PPEF1: variants seen among roughly 807,000 people sequenced by gnomAD.
PPEF1 encodes serine/threonine-protein phosphatase with EF-hands 1.
A neutral mutation model predicts 53.3 loss-of-function variants in PPEF1; 12 were observed. The ratio of observed to expected loss-of-function variants is 0.23; its 90% CI spans 0.14 to 0.36. The LOEUF (loss-of-function observed/expected upper bound fraction) is 0.36. Among genes scored for constraint, PPEF1 ranks in the 10% least tolerant of loss-of-function variants. PPEF1 has a pLI of 1.00. For missense variants in PPEF1, 334 were observed against 490.4 expected (o/e 0.68, Z 3.01); for synonymous variants, 165 against 176.7 (o/e 0.93, Z 0.52).
intron 12 of PPEF1, among the ~76,000 whole-genome samples, chrX:18,816,036 G>C (rs945420425): frequency 1.8e-5 from 2 of 109,623 alleles, no homozygotes; most frequent in African/African-American, 6.6e-5. Context: ...AAGTAGCTGG[G>C]ATTACAGGCA....
intron 1 of PPEF1, among the ~76,000 whole-genome samples, chrX:18,711,960 G>A (rs748955578): frequency 3.6e-5 from 4 of 110,951 alleles, no homozygotes; most frequent in East Asian, 5.7e-4. Flanking sequence ...TCACCATGTT[G>A]GCCAGGCTGG....
intron 4 of PPEF1, among the ~76,000 whole-genome samples, chrX:18,752,600 T>C (rs774850727): frequency 9.0e-6 from 1 of 111,016 alleles, no homozygotes; most frequent in Non-Finnish European, 1.9e-5. Flanking sequence ...TTTCAATCTT[T>C]CACTACTGAG....
intron 3 of PPEF1, among the ~76,000 whole-genome samples, chrX:18,690,086 TCTC>T (rs1769615630): frequency 8.9e-6 from 1 of 111,741 alleles, no homozygotes; most frequent in African/African-American, 3.3e-5. Flanking sequence ...CATGTTTACT[TCTC>T]CTACTAGCCT....
At chrX:18,718,413 G>GA (rs1303978222) in intron 1 of PPEF1, among the ~76,000 whole-genome samples, 6 of 104,915 alleles carry the variant, frequency 5.7e-5, no homozygotes, top group East Asian at 5.9e-4. Flanking sequence ...TCTACCAAAG[G>GA]AAAAAAAAAA....
At chrX:18,804,155 G>A in intron 11 of PPEF1, 78 bp downstream of exon 11, 1 of 927,944 alleles carries the variant, frequency 1.1e-6, no homozygotes, top group East Asian at 3.2e-5. Flanking sequence ...AGCATGTCTG[G>A]CCTAGAAGCC....
intron 6 of PPEF1, among the ~76,000 whole-genome samples, chrX:18,771,595 C>T (rs949537570): frequency 4.5e-5 from 5 of 110,718 alleles, no homozygotes; most frequent in Admixed American, 1.9e-4. Context: ...ATAAAAGTTC[C>T]GTGGACATAT....
chrX:18,679,368 G>A (rs774831699), upstream of PPEF1, among the ~76,000 whole-genome samples: 2 of 112,202 alleles, frequency 1.8e-5, no homozygotes, highest in African/African-American at 3.2e-5. Context: ...GTGAGCCACC[G>A]TGCCTGGCCT....
At chrX:18,689,738 G>A (rs17247243) in intron 3 of PPEF1, among the ~76,000 whole-genome samples, 51,612 of 108,775 alleles carry the variant, frequency 0.47, 9,079 homozygotes, top group East Asian at 0.69. Context: ...AGAGTTTTAC[G>A]CAAATGAGTT....
intron 13 of PPEF1, among the ~76,000 whole-genome samples, chrX:18,821,974 T>G (rs1428524566): frequency 9.0e-6 from 1 of 111,296 alleles, no homozygotes; most frequent in Non-Finnish European, 1.9e-5. Flanking sequence ...AGAAGTTCAC[T>G]GAGGTGCCTC....
At chrX:18,682,009 G>A (rs1246755042), upstream of PPEF1, among the ~76,000 whole-genome samples, 1 of 112,133 alleles carries the variant, frequency 8.9e-6, no homozygotes, top group African/African-American at 3.2e-5. Flanking sequence ...CCACCTAAGC[G>A]GCTTCAACAC....
chrX:18,724,623 T>C (rs1300123005), intron 1 of PPEF1, among the ~76,000 whole-genome samples: 2 of 111,909 alleles, frequency 1.8e-5, no homozygotes, highest in Non-Finnish European at 3.8e-5. Context: ...TGCATTTATT[T>C]ATTCATTCGT....
chrX:18,788,111 T>C (rs768443894), intron 9 of PPEF1, among the ~76,000 whole-genome samples: 1 of 110,589 alleles, frequency 9.0e-6, no homozygotes, highest in Admixed American at 9.6e-5. Context: ...GGTCAGGAGA[T>C]CAAGACCATC....
chrX:18,743,162 A>G (rs1256724561), intron 3 of PPEF1, among the ~76,000 whole-genome samples: 1 of 112,201 alleles, frequency 8.9e-6, no homozygotes, highest in East Asian at 2.8e-4. Flanking sequence ...GGGAGCCATT[A>G]TCATAAAAAT....
chrX:18,687,685 C>CTTTT (rs370867326), intron 3 of PPEF1, among the ~76,000 whole-genome samples: 37 of 89,139 alleles, frequency 4.2e-4, no homozygotes, highest in African/African-American at 1.1e-3. Context: ...AAATATTCTT[C>CTTTT]TTTTTTTTTT....
intron 6 of PPEF1, among the ~76,000 whole-genome samples, chrX:18,701,032 G>T (rs1031228066): frequency 8.9e-6 from 1 of 112,014 alleles, no homozygotes; most frequent in Non-Finnish European, 1.9e-5. Flanking sequence ...AATCAGCTAC[G>T]CCAGGGAGTG....
intron 5 of PPEF1, among the ~76,000 whole-genome samples, chrX:18,760,981 G>A (rs764428113): frequency 6.1e-4 from 67 of 109,626 alleles, no homozygotes; most frequent in South Asian, 4.8e-3. Flanking sequence ...GGGTTTCGCC[G>A]TGTTGACCAG....
At chrX:18,806,018 C>T (rs1366228573) in intron 11 of PPEF1, among the ~76,000 whole-genome samples, 1 of 109,697 alleles carries the variant, frequency 9.1e-6, no homozygotes, top group Non-Finnish European at 1.9e-5. Context: ...AGAAAAAAAC[C>T]GAAGTACCAG....
At chrX:18,703,245 CT>C (rs1398054810), upstream of PPEF1, among the ~76,000 whole-genome samples, 2 of 111,083 alleles carry the variant, frequency 1.8e-5, no homozygotes, top group Admixed American at 9.6e-5. Context: ...AAAGAACTGA[CT>C]TTTTTTGTAA....
intron 1 of PPEF1, among the ~76,000 whole-genome samples, chrX:18,718,454 C>G (rs2044509474): frequency 9.0e-6 from 1 of 110,629 alleles, no homozygotes; most frequent in South Asian, 3.9e-4. Flanking sequence ...CACCTGTAGT[C>G]CCAGCTACAT....
Sources: allele counts gnomAD v4.1 joint callset (sites outside exome capture counted in the v4.1 genomes callset), GRCh38; gene constraint gnomAD v4.1.1; transcripts MANE v1.5; gene names NCBI Gene and HGNC (gene_info 2026-07-23, HGNC 2026-07-21).